The following SNX30 variants were observed in gnomAD, a reference collection of about 807,000 sequenced individuals.
The protein encoded by SNX30 is sorting nexin-30.
SNX30 carries 24 observed loss-of-function variants against 46.4 expected under a neutral mutation model. The observed-to-expected ratio is 0.52, with a 90% CI of 0.37 to 0.73. The LOEUF (loss-of-function observed/expected upper bound fraction) is 0.73, where lower values mean the gene tolerates loss of function less well. Among genes scored for constraint, SNX30 ranks in the 30% least tolerant of loss-of-function variants. The pLI, the probability that SNX30 is intolerant of heterozygous loss-of-function variation, is 0.00. For synonymous variants in SNX30, 189 were observed against 211.5 expected (o/e 0.89, Z 0.92); for missense variants, 533 against 555.7 (o/e 0.96, Z 0.41).
chr9:112,848,858 G>A (rs1840980644), intron 6 of SNX30, among the ~76,000 whole-genome samples: 2 of 152,152 alleles, frequency 1.3e-5, no homozygotes, highest in African/African-American at 4.8e-5. Flanking sequence ...AGCTGAGTGG[G>A]GTTGATGCAT....
Position 112,801,277 on chromosome 9 carries a change from C to G in SNX30, c.157-3499C>G, listed in dbSNP as rs1351547908. 9.1e-5 allele frequency among the ~76,000 whole-genome samples: 2 copies of G among 21,942 alleles called. 1 individual carries two copies. The highest frequency in any genetic ancestry group is 2.7e-4 in the African/African-American group (2 of 7,340). The allele number at this position is 21,942 out of a possible 152,430, so 14.4% of individuals were successfully genotyped here. ...TGCTTTCTCTTGTAGGCATTTAGTGCTATAAATTTCCCTCTACACACTGCT... is the reference window on the plus strand; with the variant it reads ...TGCTTTCTCTTGTAGGCATTTAGTGGTATAAATTTCCCTCTACACACTGCT... On this transcript the variant is annotated intron_variant, in intron 1 of 8. Coordinates refer to ENST00000374232, the MANE Select transcript of SNX30 (RefSeq NM_001012994.2).
chr9:112,787,567 A>G (rs772691372), intron 1 of SNX30, among the ~76,000 whole-genome samples: 2 of 151,976 alleles, frequency 1.3e-5, no homozygotes, highest in Non-Finnish European at 2.9e-5. Flanking sequence ...ACAGTTTAGA[A>G]TCTGTCGTGA....
chr9:112,868,673 C>T, intron 8 of SNX30, 111 bp from the exon 9 acceptor site: 1 of 1,132,178 alleles, frequency 8.8e-7, no homozygotes, highest in African/African-American at 1.5e-5. Context: ...CATCATTAGA[C>T]AAAGGTAACC....
At position 112,807,117 on chromosome 9, in the gene SNX30, T is replaced by C. The variant is rs377193100; in HGVS notation, c.348+2150T>C. On this transcript the variant is annotated intron_variant, in intron 2 of 8. Coordinates refer to ENST00000374232, the MANE Select transcript of SNX30 (RefSeq NM_001012994.2). ...TCTCCCTCTGTCGCCCAGGATGGAG[T>C]GTAGTGGCGTGATCTCAGCTCACTG... Among the ~76,000 whole-genome samples, 5 of 138,678 alleles carry C rather than the reference T, an allele frequency of 3.6e-5. No individual in the cohort carries two copies. In the East Asian group the frequency reaches 1.2e-3, roughly 32 times the overall value. 91.0% of individuals were successfully genotyped at this position (138,678 alleles called of 152,430 possible).
intron 2 of SNX30, among the ~76,000 whole-genome samples, chr9:112,807,201 G>A (rs1840242433): frequency 6.6e-6 from 1 of 151,726 alleles, no homozygotes; most frequent in Non-Finnish European, 1.5e-5. Context: ...GAGTAGCTGG[G>A]ACTACAGATG....
At chr9:112,841,528 G>A (rs1418368926) in intron 6 of SNX30, among the ~76,000 whole-genome samples, 1 of 152,198 alleles carries the variant, frequency 6.6e-6, no homozygotes, top group African/African-American at 2.4e-5. Flanking sequence ...AGGAAGTGTG[G>A]ACTGGCAGTC....
chr9:112,866,674 C>T, intron 8 of SNX30: 1 of 394,162 alleles, frequency 2.5e-6, no homozygotes, highest in East Asian at 7.3e-5. Context: ...TGCCTCTCTC[C>T]TCCTCCCTCC....
intron 2 of SNX30, among the ~76,000 whole-genome samples, chr9:112,808,685 G>C (rs1357451585): frequency 2.7e-5 from 4 of 149,552 alleles, no homozygotes; most frequent in African/African-American, 4.9e-5. Context: ...AGAAATAATT[G>C]TTGCTGACTT....
chr9:112,844,449 G>A (rs10981526), intron 6 of SNX30, among the ~76,000 whole-genome samples: 9,706 of 152,224 alleles, frequency 0.064, 376 homozygotes, highest in Middle Eastern at 0.11. Flanking sequence ...CTCTGAGACC[G>A]ATGGAGATTG....
chr9:112,783,201 C>A (rs182613162), intron 1 of SNX30, among the ~76,000 whole-genome samples: 385 of 152,284 alleles, frequency 2.5e-3, no homozygotes, highest in Non-Finnish European at 4.4e-3. Flanking sequence ...AAATCTCTGG[C>A]GCCATGGAGG....
rs540180868 is a variant in SNX30, at chr9:112,827,696, G to T, written c.460-3029G>T. Among the ~76,000 whole-genome samples the T allele has an allele frequency of 8.5e-5, 13 of 152,180 alleles. No homozygotes were observed. The South Asian group carries it at 2.7e-3, about 32-fold the overall frequency. ...TTCTGGTTTGTTTTTGTCCTTCAGGGTTTATAATTTTAAAAAATCCTCTTT... is the reference window on the plus strand; with the variant it reads ...TTCTGGTTTGTTTTTGTCCTTCAGGTTTTATAATTTTAAAAAATCCTCTTT... On this transcript the variant is annotated intron_variant, in intron 3 of 8. Coordinates refer to ENST00000374232, the MANE Select transcript of SNX30 (RefSeq NM_001012994.2).
intron 7 of SNX30, among the ~76,000 whole-genome samples, chr9:112,854,743 T>C (rs1191533128): frequency 6.6e-6 from 1 of 152,172 alleles, no homozygotes. Flanking sequence ...CCTGTCCAAG[T>C]CCAGCACGGT....
chr9:112,811,654 C>T (rs1431518679), intron 2 of SNX30, among the ~76,000 whole-genome samples: 2 of 152,202 alleles, frequency 1.3e-5, no homozygotes, highest in Admixed American at 6.5e-5. Flanking sequence ...AATGAGCCTT[C>T]TTGACTATGA....
At chr9:112,782,692 G>A (rs2131377339) in intron 1 of SNX30, among the ~76,000 whole-genome samples, 1 of 152,196 alleles carries the variant, frequency 6.6e-6, no homozygotes, top group East Asian at 1.9e-4. Context: ...TTAAAACTCA[G>A]ATCTGTTCCA....
chr9:112,765,952 C>T (rs550368665), intron 1 of SNX30, among the ~76,000 whole-genome samples: 16 of 152,092 alleles, frequency 1.1e-4, no homozygotes, highest in Admixed American at 2.0e-4. Flanking sequence ...TACAGGTGCA[C>T]GCCACCATGT....
At chr9:112,860,148 G>A (rs1419882695) in intron 7 of SNX30, among the ~76,000 whole-genome samples, 14 of 152,006 alleles carry the variant, frequency 9.2e-5, no homozygotes, top group Middle Eastern at 3.4e-3. Context: ...GGGTTTCACC[G>A]TGTTGGCCAG....
At chr9:112,791,633 A>G (rs928397155) in intron 1 of SNX30, among the ~76,000 whole-genome samples, 8 of 151,800 alleles carry the variant, frequency 5.3e-5, no homozygotes, top group African/African-American at 7.3e-5. Flanking sequence ...GCTGGTTTCA[A>G]TCTTTGACCT....
At chr9:112,867,641 C>G (rs62576453) in intron 8 of SNX30, among the ~76,000 whole-genome samples, 1 of 148,510 alleles carries the variant, frequency 6.7e-6, no homozygotes, top group African/African-American at 2.5e-5. Flanking sequence ...GAACTCCTCC[C>G]GCCTCCTCAG....
intron 2 of SNX30, among the ~76,000 whole-genome samples, chr9:112,809,254 A>G (rs1394279828): frequency 6.6e-6 from 1 of 151,796 alleles, no homozygotes; most frequent in African/African-American, 2.4e-5. Context: ...AATTTTTTGT[A>G]TTTTTAGTAG....
Sources: gnomAD v4.1 joint callset for allele counts (sites outside exome capture counted in the v4.1 genomes callset) on GRCh38, gnomAD v4.1.1 for gene constraint, MANE v1.5 for transcripts, NCBI Gene and HGNC (gene_info 2026-07-23, HGNC 2026-07-21) for gene names.